The following SAMD12 variants were observed in gnomAD, a reference collection of about 807,000 sequenced individuals.
SAMD12 encodes the protein sterile alpha motif domain containing 12.
In SAMD12, 9 loss-of-function variants were observed where a neutral mutation model predicts 15.0. The ratio of observed to expected loss-of-function variants is 0.60; its 90% CI spans 0.36 to 1.05. The LOEUF (loss-of-function observed/expected upper bound fraction) is 1.05, where lower values mean the gene tolerates loss of function less well. SAMD12 is among the 50% of genes least tolerant of loss of function. SAMD12 has a pLI of 0.01. For synonymous variants in SAMD12, 86 were observed against 90.1 expected (o/e 0.96, Z 0.25); for missense variants, 230 against 234.2 (o/e 0.98, Z 0.12).
At chr8:118,148,673 C>G in the SAMD12 span, among the ~76,000 whole-genome samples, 63 of 152,290 alleles carry the variant, frequency 4.1e-4, no homozygotes, top group African/African-American at 1.5e-3. Context: ...ATCTTTCATA[C>G]CTTTGTGCAG....
chr8:118,381,191 A>G (rs1240831702), intron 3 of SAMD12, among the ~76,000 whole-genome samples: 1 of 152,190 alleles, frequency 6.6e-6, no homozygotes, highest in Non-Finnish European at 1.5e-5. Flanking sequence ...CCCTGGGCCA[A>G]TGCCTGGAGA....
At chr8:118,538,575 C>T (rs1586799235) in intron 2 of SAMD12, among the ~76,000 whole-genome samples, 1 of 152,218 alleles carries the variant, frequency 6.6e-6, no homozygotes, top group South Asian at 2.1e-4. Context: ...TCACTGTGCT[C>T]TCCCTCTCCA....
chr8:118,214,838 G>A (rs1811916212), intron 4 of SAMD12, among the ~76,000 whole-genome samples: 1 of 152,170 alleles, frequency 6.6e-6, no homozygotes, highest in South Asian at 2.1e-4. Context: ...TTAGGAGAGG[G>A]TGCCTTAGAG....
chr8:118,257,216 A>G lies in SAMD12; in HGVS notation c.434-59484T>C, dbSNP rs536016077. On this transcript the variant is annotated intron_variant, in intron 4 of 4. Coordinates refer to the SAMD12 transcript ENST00000409003. ...TCTTGCTCTGTTTGAAGGGGAACTA[A>G]ATGCTAGAGAAGTAGTATCTTTAAC... Among the ~76,000 whole-genome samples, 52 of 152,194 alleles carry G rather than the reference A, an allele frequency of 3.4e-4. 1 individual carries two copies. The South Asian group carries it at 6.8e-3, about 20-fold the overall frequency.
chr8:118,522,769 T>C (rs1825423911), intron 2 of SAMD12, among the ~76,000 whole-genome samples: 2 of 152,176 alleles, frequency 1.3e-5, no homozygotes, highest in African/African-American at 4.8e-5. Flanking sequence ...TTTTTTCTTA[T>C]TTACACAAAT....
At chr8:118,276,491 T>C (rs548526212) in intron 4 of SAMD12, among the ~76,000 whole-genome samples, 1 of 152,342 alleles carries the variant, frequency 6.6e-6, no homozygotes, top group Admixed American at 6.5e-5. Flanking sequence ...ATTTTGTGTG[T>C]CCCATAAACA....
intron 4 of SAMD12, among the ~76,000 whole-genome samples, chr8:118,304,759 C>CATAAATAAATAA (rs55985938): frequency 0.017 from 2,351 of 141,608 alleles, 26 homozygotes; most frequent in Non-Finnish European, 0.024. Context: ...GACTCCATCT[C>CATAAATAAATAA]ATAAATAAAT....
intron 4 of SAMD12, among the ~76,000 whole-genome samples, chr8:118,218,435 CTAT>C (rs1365961353): frequency 6.6e-6 from 1 of 152,110 alleles, no homozygotes; most frequent in African/African-American, 2.4e-5. Context: ...ATGCAACCAT[CTAT>C]TATTAACTAT....
At chr8:118,232,095 A>G (rs1014662487) in intron 4 of SAMD12, among the ~76,000 whole-genome samples, 1 of 152,142 alleles carries the variant, frequency 6.6e-6, no homozygotes, top group East Asian at 1.9e-4. Context: ...GAGCTTTCAT[A>G]TATCTTTTTG....
chr8:118,449,660 G>T (rs1823016769), intron 2 of SAMD12, among the ~76,000 whole-genome samples: 1 of 151,704 alleles, frequency 6.6e-6, no homozygotes, highest in Non-Finnish European at 1.5e-5. Context: ...TTAGCTGGGC[G>T]CAGTGGCAGG....
intron 4 of SAMD12, among the ~76,000 whole-genome samples, chr8:118,369,050 T>C (rs1465411314): frequency 6.6e-6 from 1 of 152,238 alleles, no homozygotes; most frequent in Non-Finnish European, 1.5e-5. Flanking sequence ...GCATACATCA[T>C]TCTATCCTTA....
At chr8:118,301,471 A>G (rs900053286) in intron 4 of SAMD12, among the ~76,000 whole-genome samples, 2 of 152,218 alleles carry the variant, frequency 1.3e-5, no homozygotes, top group African/African-American at 4.8e-5. Context: ...CCATAAATGA[A>G]TGCCAGGATG....
the SAMD12 span, among the ~76,000 whole-genome samples, chr8:118,133,123 G>T: frequency 1.3e-5 from 2 of 148,922 alleles, no homozygotes; most frequent in African/African-American, 4.9e-5. Flanking sequence ...GACAAAATTG[G>T]CATTTCACTA....
At chr8:118,422,578 A>G (rs560959047) in intron 3 of SAMD12, among the ~76,000 whole-genome samples, 4 of 152,326 alleles carry the variant, frequency 2.6e-5, no homozygotes, top group East Asian at 1.9e-4. Context: ...AAGCTGACGA[A>G]AAACCTCATA....
chr8:118,135,611 T>TAGCTCACTGCA, the SAMD12 span, among the ~76,000 whole-genome samples: 23 of 151,824 alleles, frequency 1.5e-4, no homozygotes, highest in African/African-American at 5.3e-4. Context: ...GGTGCGATCA[T>TAGCTCACTGCA]AGCTCACTGC....
intron 1 of SAMD12, among the ~76,000 whole-genome samples, chr8:118,619,173 A>C (rs1432507798): frequency 6.6e-6 from 1 of 152,164 alleles, no homozygotes. Context: ...AATGTCACCC[A>C]GCAGTAGAGG....
the SAMD12 span, among the ~76,000 whole-genome samples, chr8:118,141,158 G>T: frequency 2.0e-5 from 3 of 152,186 alleles, no homozygotes; most frequent in African/African-American, 4.8e-5. Context: ...AATTCTAAGA[G>T]ATATGAAATT....
chr8:118,614,789 C>T (rs984964641), intron 1 of SAMD12, among the ~76,000 whole-genome samples: 1 of 152,330 alleles, frequency 6.6e-6, no homozygotes, highest in Middle Eastern at 3.4e-3. Context: ...CTGCTCTTCA[C>T]GCGGGAGGCA....
chr8:118,422,046 T>C (rs561071171), intron 3 of SAMD12, among the ~76,000 whole-genome samples: 3 of 152,328 alleles, frequency 2.0e-5, no homozygotes, highest in South Asian at 2.1e-4. Flanking sequence ...AAGTATAGGA[T>C]GAGCTTCATG....
Sources: allele counts gnomAD v4.1 joint callset (sites outside exome capture counted in the v4.1 genomes callset), GRCh38; gene constraint gnomAD v4.1.1; transcripts MANE v1.5; gene names NCBI Gene and HGNC (gene_info 2026-07-23, HGNC 2026-07-21).